TSPAN9: variants seen among roughly 807,000 people sequenced by gnomAD.
TSPAN9 encodes tetraspanin-9.
In TSPAN9, 16 loss-of-function variants were observed where a neutral mutation model predicts 31.0. The observed-to-expected ratio is 0.52, with a 90% CI of 0.35 to 0.78. The LOEUF is 0.78. Among genes scored for constraint, TSPAN9 ranks in the 30% least tolerant of loss-of-function variants. The pLI is 0.01. For synonymous variants in TSPAN9, 145 were observed against 121.6 expected (o/e 1.19, Z -1.27); for missense variants, 272 against 312.5 (o/e 0.87, Z 0.98).
intron 3 of TSPAN9, among the ~76,000 whole-genome samples, chr12:3,248,173 T>A (rs1367715926): frequency 6.6e-6 from 1 of 152,164 alleles, no homozygotes; most frequent in Admixed American, 6.5e-5. Context: ...TGCCCTCACA[T>A]GACACTCATA....
intron 3 of TSPAN9, among the ~76,000 whole-genome samples, chr12:3,215,528 G>A (rs1238373630): frequency 1.3e-5 from 2 of 152,166 alleles, no homozygotes; most frequent in Non-Finnish European, 2.9e-5. Context: ...GTTGTTCTCT[G>A]TATCTATTTC....
chr12:3,197,756 G>C (rs1170232740), intron 2 of TSPAN9, among the ~76,000 whole-genome samples: 2 of 47,574 alleles, frequency 4.2e-5, no homozygotes, highest in Non-Finnish European at 8.5e-5. Flanking sequence ...ACCAGCACAG[G>C]TCACCAGCAC....
At chr12:3,092,796 G>T (rs2098305539) in intron 2 of TSPAN9, among the ~76,000 whole-genome samples, 1 of 152,344 alleles carries the variant, frequency 6.6e-6, no homozygotes, top group East Asian at 1.9e-4. Flanking sequence ...CTCCCTGGGC[G>T]CTGAGGATTG....
At chr12:3,228,194 A>G (rs1244779787) in intron 3 of TSPAN9, among the ~76,000 whole-genome samples, 1 of 152,084 alleles carries the variant, frequency 6.6e-6, no homozygotes, top group Admixed American at 6.5e-5. Flanking sequence ...ACAAAAAAAT[A>G]TAGAAAAATT....
chr12:3,144,625 G>A (rs946395508), intron 2 of TSPAN9, among the ~76,000 whole-genome samples: 2 of 152,172 alleles, frequency 1.3e-5, no homozygotes, highest in African/African-American at 4.8e-5. Flanking sequence ...CCCTACTGTT[G>A]AAGCCTCCCA....
rs188065934 is a variant in TSPAN9, at chr12:3,109,150, A to C, written c.-18+25431A>C. Among the ~76,000 whole-genome samples, 27 of 151,686 alleles carry C rather than the reference A, an allele frequency of 1.8e-4. 1 individual carries two copies. The highest frequency in any genetic ancestry group is 6.8e-3 in the Middle Eastern group (2 of 294). ...CGGGGGTTTCACCGTGTTAGCCAGG[A>C]TGGTCTCGATCTCCTGACCTCGTGA... is the stretch of plus-strand genomic sequence containing the variant. On this transcript the variant is annotated intron_variant, in intron 2 of 8. Transcript: ENST00000011898.
Position 3,170,852 on chromosome 12 carries a change from C to G in TSPAN9, c.-17-30325C>G, listed in dbSNP as rs963608327. On this transcript the variant is annotated intron_variant, in intron 2 of 8. Coordinates refer to ENST00000011898, the MANE Select transcript of TSPAN9 (RefSeq NM_006675.5). The surrounding 1 kb of genome is among the most constrained non-coding windows in gnomAD (Gnocchi z 4.4). ...GGGCAGGGACTCCTGGGTTGGCGCT[C>G]TCTAAAGCCGCTTCTGTTTCTAAAG... is the stretch of plus-strand genomic sequence containing the variant. Among the ~76,000 whole-genome samples the G allele has an allele frequency of 6.6e-6, 1 of 152,168 alleles. No homozygotes were observed. Among genetic ancestry groups the G allele is most frequent in the Non-Finnish European group, 1.5e-5 (1 of 68,028 alleles).
chr12:3,098,457 T>C (rs1185936045), intron 2 of TSPAN9, among the ~76,000 whole-genome samples: 1 of 152,144 alleles, frequency 6.6e-6, no homozygotes. Flanking sequence ...AATTTGCCTT[T>C]AGGTTCAGAA....
chr12:3,114,411 C>T (rs1288098591), intron 2 of TSPAN9, among the ~76,000 whole-genome samples: 2 of 152,110 alleles, frequency 1.3e-5, no homozygotes, highest in African/African-American at 4.8e-5. Context: ...TTGCTGACTC[C>T]TCATGTAGGG....
At chr12:3,211,998 A>G (rs1469906927) in intron 3 of TSPAN9, 3 of 773,604 alleles carry the variant, frequency 3.9e-6, no homozygotes, top group African/African-American at 1.7e-5. Context: ...TTGAGATATA[A>G]TCTTTCTCCG....
chr12:3,250,601 T>C (rs1359774391), intron 3 of TSPAN9, among the ~76,000 whole-genome samples: 1 of 152,178 alleles, frequency 6.6e-6, no homozygotes, highest in African/African-American at 2.4e-5. Flanking sequence ...GACCTTCTCA[T>C]TGCACAGGTA....
intron 2 of TSPAN9, among the ~76,000 whole-genome samples, chr12:3,163,593 A>G (rs934442754): frequency 2.6e-5 from 4 of 152,136 alleles, no homozygotes; most frequent in African/African-American, 9.7e-5. Flanking sequence ...TTCCCGGGTT[A>G]CTGTTCTGCC....
intron 2 of TSPAN9, among the ~76,000 whole-genome samples, chr12:3,118,979 CT>C (rs2098323863): frequency 1.3e-5 from 2 of 152,252 alleles, no homozygotes; most frequent in South Asian, 4.2e-4. Context: ...CACAGGGACC[CT>C]GGAGTATGGA....
At chr12:3,276,394 G>T (rs900410832) in intron 3 of TSPAN9, among the ~76,000 whole-genome samples, 1 of 152,156 alleles carries the variant, frequency 6.6e-6, no homozygotes, top group Non-Finnish European at 1.5e-5. Flanking sequence ...CGGCCACCCC[G>T]CCTGCTTTGT....
At chr12:3,081,999 TAA>T (rs34955187) in intron 1 of TSPAN9, among the ~76,000 whole-genome samples, 8 of 146,936 alleles carry the variant, frequency 5.4e-5, no homozygotes, top group African/African-American at 2.0e-4. Flanking sequence ...TTCTGTCTCT[TAA>T]AAAAAAAAGT....
At position 3,143,270 on chromosome 12, in the gene TSPAN9, TA is replaced by T. The variant is rs2098335720; in HGVS notation, c.-17-57905del. On this transcript the variant is annotated intron_variant, in intron 2 of 8. Coordinates refer to ENST00000011898, the MANE Select transcript of TSPAN9 (RefSeq NM_006675.5). This position sits in a 1 kb window ranked among gnomAD's most constrained non-coding sequence, Gnocchi z 4.2. ...ATAATATTTATAGTTATATTAATCA[TA>T]ATTAATAATATTTATAATTATATTA... Among the ~76,000 whole-genome samples the T allele has an allele frequency of 6.7e-6, 1 of 148,468 alleles. No individual in the cohort carries two copies. Among genetic ancestry groups the T allele is most frequent in the African/African-American group, 2.4e-5 (1 of 40,898 alleles).
At chr12:3,224,762 C>T (rs1036260051) in intron 3 of TSPAN9, among the ~76,000 whole-genome samples, 1 of 152,234 alleles carries the variant, frequency 6.6e-6, no homozygotes, top group Non-Finnish European at 1.5e-5. Context: ...TCTGGTTTGA[C>T]GTCAGCACGG....
chr12:3,210,975 G>T (rs915485086), intron 3 of TSPAN9, among the ~76,000 whole-genome samples: 3 of 152,142 alleles, frequency 2.0e-5, no homozygotes, highest in Admixed American at 2.0e-4. Flanking sequence ...CAACCTCCTG[G>T]GCTCAAGCAA....
intron 2 of TSPAN9, among the ~76,000 whole-genome samples, chr12:3,198,850 T>C (rs75708612): frequency 0.052 from 4,608 of 89,270 alleles, 859 homozygotes; most frequent in African/African-American, 0.19. Context: ...CCAGCACAGG[T>C]CACCACCAGC....
Sources: gnomAD v4.1 joint callset for allele counts (sites outside exome capture counted in the v4.1 genomes callset) on GRCh38, gnomAD v4.1.1 for gene constraint, Gnocchi (gnomAD v3.1) non-coding constraint, MANE v1.5 for transcripts, NCBI Gene and HGNC (gene_info 2026-07-23, HGNC 2026-07-21) for gene names.